Variants in HMGCLL1 observed in about 807,000 individuals in gnomAD.
HMGCLL1 encodes 3-hydroxy-3-methylglutaryl-CoA lyase like 1, also known as 3-hydroxymethyl-3-methylglutaryl-CoA lyase, cytoplasmic.
In HMGCLL1, 36 loss-of-function variants were observed where a neutral mutation model predicts 39.1. The ratio of observed to expected loss-of-function variants is 0.92; its 90% CI spans 0.71 to 1.22. The LOEUF is 1.22. Ranked by LOEUF, HMGCLL1 falls within the 50% of genes most tolerant of loss-of-function variation. The pLI, the probability that HMGCLL1 is intolerant of heterozygous loss-of-function variation, is 0.00. For synonymous variants in HMGCLL1, 149 were observed against 144.0 expected (o/e 1.03, Z -0.25); for missense variants, 451 against 416.5 (o/e 1.08, Z -0.72).
rs147477431 is a variant in HMGCLL1 at position 55,456,316 on chromosome 6, C to T, written c.796-16757G>A. ...TGCTTCTGTTTTAACTTCAACGATT[C>T]GAAATACCTGAAATTCAATGTCATC... On this transcript the variant is annotated intron_variant, in intron 7 of 8. Coordinates refer to ENST00000274901, the MANE Select transcript of HMGCLL1 (RefSeq NM_001042406.2). 2.7e-3 allele frequency among the ~76,000 whole-genome samples: 406 copies of T among 152,168 alleles called. 3 individuals are homozygous for T. The highest frequency in any genetic ancestry group is 8.0e-3 in the African/African-American group (334 of 41,510).
At chr6:55,635,962 A>T in the HMGCLL1 span, among the ~76,000 whole-genome samples, 1 of 152,088 alleles carries the variant, frequency 6.6e-6, no homozygotes, top group African/African-American at 2.4e-5. Context: ...CCACCCTCTG[A>T]CCCAGATATT....
At chr6:55,478,026 C>T (rs1448684393) in intron 7 of HMGCLL1, among the ~76,000 whole-genome samples, 1 of 149,718 alleles carries the variant, frequency 6.7e-6, no homozygotes, top group Non-Finnish European at 1.5e-5. Flanking sequence ...ACCTATAAAG[C>T]ATCTGGGCTT....
At chr6:55,580,178 C>G (rs565050068), upstream of HMGCLL1, among the ~76,000 whole-genome samples, 34 of 151,084 alleles carry the variant, frequency 2.3e-4, no homozygotes, top group Admixed American at 2.1e-3. Flanking sequence ...CATTCAAAGT[C>G]AAACCATCCT....
At chr6:55,634,540 T>C in the HMGCLL1 span, among the ~76,000 whole-genome samples, 193 of 152,256 alleles carry the variant, frequency 1.3e-3, 1 homozygote, top group East Asian at 0.036. Flanking sequence ...ATGACATTTC[T>C]AAAATGACTA....
chr6:55,503,551 AG>A (rs67874912), intron 5 of HMGCLL1, among the ~76,000 whole-genome samples: 102,062 of 151,126 alleles, frequency 0.68, 34,501 homozygotes, highest in Non-Finnish European at 0.7. Flanking sequence ...AGAATGAAAA[AG>A]GGGGGTCTAT....
intron 1 of HMGCLL1, among the ~76,000 whole-genome samples, chr6:55,575,034 A>T (rs1015489437): frequency 2.0e-5 from 3 of 152,062 alleles, no homozygotes; most frequent in Non-Finnish European, 4.4e-5. Flanking sequence ...ATGTGAAGAG[A>T]TTTAGTTATT....
chr6:55,619,860 C>T, the HMGCLL1 span, among the ~76,000 whole-genome samples: 7 of 152,080 alleles, frequency 4.6e-5, no homozygotes, highest in Admixed American at 4.6e-4. Flanking sequence ...ACTACCCATC[C>T]CAGCCTCCAT....
intron 5 of HMGCLL1, among the ~76,000 whole-genome samples, chr6:55,503,580 C>T (rs970042233): frequency 6.6e-6 from 1 of 151,524 alleles, no homozygotes; most frequent in Non-Finnish European, 1.5e-5. Context: ...CTAAGTCCTC[C>T]ATAGTCCCTC....
chr6:55,616,609 C>G, the HMGCLL1 span, among the ~76,000 whole-genome samples: 4 of 152,184 alleles, frequency 2.6e-5, 1 homozygote, highest in South Asian at 6.2e-4. Flanking sequence ...ACTGTAATGC[C>G]TACCATGTAA....
intron 1 of HMGCLL1, among the ~76,000 whole-genome samples, chr6:55,542,916 T>A (rs1179082958): frequency 7.7e-6 from 1 of 130,576 alleles, no homozygotes; most frequent in Non-Finnish European, 1.6e-5. Context: ...ATATTGTTAT[T>A]AGATTGTTAT....
intron 2 of HMGCLL1, 45 bp downstream of exon 2, chr6:55,542,015 T>G (rs1183664647): frequency 1.6e-6 from 2 of 1,246,268 alleles, no homozygotes; most frequent in East Asian, 2.4e-5. Context: ...AATCTTAAAT[T>G]TATTAATTTG....
intron 1 of HMGCLL1, among the ~76,000 whole-genome samples, chr6:55,572,963 T>C (rs1410370331): frequency 5.3e-5 from 8 of 152,218 alleles, no homozygotes; most frequent in Non-Finnish European, 2.9e-5. Flanking sequence ...TTGAGGCATT[T>C]GCCAATTCTG....
At chr6:55,436,926 G>A (rs1356968586) in intron 8 of HMGCLL1, among the ~76,000 whole-genome samples, 3 of 151,938 alleles carry the variant, frequency 2.0e-5, no homozygotes, top group African/African-American at 4.8e-5. Flanking sequence ...TCGTGGTAAC[G>A]GCTTTACGTG....
intron 1 of HMGCLL1, among the ~76,000 whole-genome samples, chr6:55,550,720 C>T (rs1156961069): frequency 1.3e-5 from 2 of 151,856 alleles, no homozygotes; most frequent in Non-Finnish European, 2.9e-5. Flanking sequence ...CAACCTGCAG[C>T]AGTGTAATTA....
At chr6:55,525,682 G>A (rs1026683812) in intron 3 of HMGCLL1, among the ~76,000 whole-genome samples, 6 of 151,984 alleles carry the variant, frequency 3.9e-5, no homozygotes, top group Non-Finnish European at 8.8e-5. Flanking sequence ...GATCTGGGAC[G>A]ACTTTTAAAA....
chr6:55,594,441 G>T, the HMGCLL1 span, among the ~76,000 whole-genome samples: 1 of 152,148 alleles, frequency 6.6e-6, no homozygotes, highest in Admixed American at 6.6e-5. Flanking sequence ...GGTGAGTTAA[G>T]TCAACCTTCA....
intron 8 of HMGCLL1, among the ~76,000 whole-genome samples, chr6:55,437,708 C>A (rs2127378480): frequency 6.6e-6 from 1 of 152,070 alleles, no homozygotes; most frequent in South Asian, 2.1e-4. Context: ...AGACGTAGAG[C>A]CTATTCATAC....
intron 5 of HMGCLL1, among the ~76,000 whole-genome samples, chr6:55,501,348 GTT>G (rs1409731418): frequency 6.6e-6 from 1 of 151,818 alleles, no homozygotes; most frequent in Non-Finnish European, 1.5e-5. Context: ...ATGCCCATCT[GTT>G]TGCATACTTA....
chr6:55,671,640 C>T, the HMGCLL1 span, among the ~76,000 whole-genome samples: 8 of 151,858 alleles, frequency 5.3e-5, no homozygotes, highest in South Asian at 1.7e-3. Flanking sequence ...GTTGGAGGTT[C>T]TATCAGCTTG....
Sources: allele counts gnomAD v4.1 joint callset (sites outside exome capture counted in the v4.1 genomes callset), GRCh38; gene constraint gnomAD v4.1.1; transcripts MANE v1.5; gene names NCBI Gene and HGNC (gene_info 2026-07-23, HGNC 2026-07-21).